HNRNPM: variants seen among roughly 807,000 people sequenced by gnomAD.
HNRNPM encodes the protein CEA receptor.
Under a neutral mutation model 73.1 loss-of-function variants are expected in HNRNPM, and 11 were observed. The ratio of observed to expected loss-of-function variants is 0.15; its 90% confidence interval spans 0.09 to 0.25. The LOEUF (loss-of-function observed/expected upper bound fraction) is 0.25. Among genes scored for constraint, HNRNPM ranks in the 10% least tolerant of loss-of-function variants. The pLI, the probability that HNRNPM is intolerant of heterozygous loss-of-function variation, is 1.00. For synonymous variants in HNRNPM, 407 were observed against 355.2 expected (o/e 1.15, Z -1.64); for missense variants, 789 against 1,067.9 (o/e 0.74, Z 3.64).
intron 15 of HNRNPM, 35 bp from the exon 16 acceptor site, chr19:8,488,656 A>T: frequency 6.3e-7 from 1 of 1,587,624 alleles, no homozygotes; most frequent in Non-Finnish European, 8.6e-7. Flanking sequence ...CAAAATCGGG[A>T]CTGAGTGTCG....
intron 15 of HNRNPM, chr19:8,488,455 T>G: frequency 2.3e-6 from 1 of 439,198 alleles, no homozygotes; most frequent in South Asian, 4.6e-5. Context: ...TTTTTTGAAC[T>G]TCCTGAAGCG....
intron 9 of HNRNPM, among the ~76,000 whole-genome samples, chr19:8,470,863 T>A (rs1206850908): frequency 2.6e-5 from 4 of 152,198 alleles, no homozygotes; most frequent in African/African-American, 9.6e-5. Flanking sequence ...GCTTCATTGT[T>A]ACTAAAACCA....
chr19:8,446,291 A>G lies in HNRNPM; in HGVS notation c.113+1180A>G, dbSNP rs758635341. Reference sequence around the variant, plus strand: ...ATCATCGGAAACAGAAAGTGTAGCTATTAAATACTAACTCCCTCCGTTTTC... The same window carrying G: ...ATCATCGGAAACAGAAAGTGTAGCTGTTAAATACTAACTCCCTCCGTTTTC... On this transcript the variant is annotated intron_variant, in intron 1 of 15. Coordinates refer to ENST00000325495, the MANE Select transcript of HNRNPM (RefSeq NM_005968.5). 3.3e-5 allele frequency among the ~76,000 whole-genome samples: 5 copies of G among 152,346 alleles called. No homozygotes were observed. In the East Asian group the frequency reaches 5.8e-4, roughly 18 times the overall value.
chr19:8,478,683 G>A (rs1350640980), intron 12 of HNRNPM, among the ~76,000 whole-genome samples: 1 of 152,158 alleles, frequency 6.6e-6, no homozygotes, highest in Non-Finnish European at 1.5e-5. Context: ...AGCATTATTT[G>A]TCTTTAAGTC....
At position 8,482,952 on chromosome 19, in the gene HNRNPM, C is replaced by T. The variant is rs118053972; in HGVS notation, c.1121-206C>T. 3,070 of 544,608 alleles carry T rather than the reference C, an allele frequency of 5.6e-3. 18 individuals carry two copies. Among genetic ancestry groups the T allele is most frequent in the Non-Finnish European group, 8.4e-3 (2,605 of 310,058 alleles). The allele number at this position is 544,608 out of a possible 1,614,324, so 33.7% of individuals were successfully genotyped here. A position where few individuals can be genotyped will look rare whatever the true frequency, so the allele number is the denominator to read the frequency against. ...CGCTGGGCCTCAGACTCTGGAGCTACGTGGGGTCTTGGCATCGTGACCCAG... is the reference window on the plus strand; with the variant it reads ...CGCTGGGCCTCAGACTCTGGAGCTATGTGGGGTCTTGGCATCGTGACCCAG... On this transcript the variant is annotated intron_variant, in intron 12 of 15. Transcript: ENST00000325495.
Position 8,486,145 on chromosome 19 carries a change from G to T in HNRNPM, c.1717G>T (p.Ala573Ser). 6.2e-7 allele frequency: 1 copy of T among 1,605,718 alleles called. No homozygotes were observed. The highest frequency in any genetic ancestry group is 8.5e-7 in the Non-Finnish European group (1 of 1,178,904). ...GCGGATGGGCCTGGAGCGCATGGGC[G>T]CCAACAGCCTCGAGCGCATGGGCCT... ...LERMGLERMG[A>S]NSLERMGLER... The change falls in exon 14 of 16, where the codon GCC (alanine) becomes TCC (serine). Residue 573 changes from alanine (A) to serine (S), a missense_variant. Ala to Ser is a moderately conservative substitution (Grantham distance 99). This residue lies in a region of HNRNPM where 604 missense variants were observed against 744.0 expected (regional missense o/e 0.81). Transcript: ENST00000325495.
At chr19:8,472,174 A>G (rs1348491497) in intron 10 of HNRNPM, among the ~76,000 whole-genome samples, 11 of 88,494 alleles carry the variant, frequency 1.2e-4, no homozygotes, top group East Asian at 7.7e-4. Context: ...CGTCTCCAGA[A>G]AAAAAAAAAA....
intron 12 of HNRNPM, among the ~76,000 whole-genome samples, chr19:8,478,323 ATTTTG>A (rs1187822076): frequency 6.6e-6 from 1 of 152,132 alleles, no homozygotes. Flanking sequence ...GTGTGTATAC[ATTTTG>A]TTTTGTTTTT....
chr19:8,471,652 A>G (rs1170268776), intron 10 of HNRNPM, among the ~76,000 whole-genome samples: 1 of 152,200 alleles, frequency 6.6e-6, no homozygotes, highest in Non-Finnish European at 1.5e-5. Flanking sequence ...TAACCTGACA[A>G]CAACCTTCTA....
At chr19:8,485,517 G>C in intron 13 of HNRNPM, 86 bp from the exon 14 acceptor site, 5 of 1,317,930 alleles carry the variant, frequency 3.8e-6, no homozygotes. Context: ...CCTGATCCAT[G>C]CCCATGAGCT....
chr19:8,479,920 G>A (rs1409102565), intron 12 of HNRNPM, among the ~76,000 whole-genome samples: 4 of 149,588 alleles, frequency 2.7e-5, no homozygotes, highest in South Asian at 2.1e-4. Context: ...GATTACAGGC[G>A]CGTGCCCCCA....
At chr19:8,464,801 A>G (rs1969631007) in intron 5 of HNRNPM, among the ~76,000 whole-genome samples, 1 of 152,172 alleles carries the variant, frequency 6.6e-6, no homozygotes, top group Admixed American at 6.5e-5. Flanking sequence ...GAGTCAGTAC[A>G]GAGCTTCACA....
At chr19:8,473,582 G>C in intron 10 of HNRNPM, 82 bp from the exon 11 acceptor site, 1 of 844,118 alleles carries the variant, frequency 1.2e-6, no homozygotes, top group Non-Finnish European at 2.0e-6. Context: ...TCTTTTGCTG[G>C]TTTGGAATTA....
intron 13 of HNRNPM, 84 bp downstream of exon 13, chr19:8,483,295 C>T (rs79753547): frequency 1.8e-4 from 189 of 1,021,920 alleles, no homozygotes; most frequent in African/African-American, 1.8e-3. Flanking sequence ...GTGAGAAGTG[C>T]GGGTTCTGAC....
chr19:8,463,424 T>C lies in HNRNPM; in HGVS notation c.337-73T>C, dbSNP rs907720641. The C allele has an allele frequency of 4.2e-6, 6 of 1,433,142 alleles. No homozygotes were observed. In the Admixed American group the frequency reaches 5.1e-5, roughly 12 times the overall value. The allele number at this position is 1,433,142 out of a possible 1,614,324, so 88.8% of individuals were successfully genotyped here. A position where few individuals can be genotyped will look rare whatever the true frequency, so the allele number is the denominator to read the frequency against. On this transcript the variant is annotated intron_variant, in intron 3 of 15. Coordinates refer to ENST00000325495, the MANE Select transcript of HNRNPM (RefSeq NM_005968.5). ...TTTTTAGTTTGTTTATAACTGTCAT[T>C]GATATTTACTATTTTTTTCTTTTCT... is the stretch of plus-strand genomic sequence containing the variant.
chr19:8,486,932 G>A (rs562552461), intron 14 of HNRNPM, 92 bp from the exon 15 acceptor site: 58 of 977,062 alleles, frequency 5.9e-5, no homozygotes, highest in Non-Finnish European at 9.3e-5. Flanking sequence ...GGTATAGTGA[G>A]AAATCTAGCA....
chr19:8,466,123 A>G, intron 6 of HNRNPM, 112 bp from the exon 7 acceptor site: 1 of 1,073,464 alleles, frequency 9.3e-7, no homozygotes, highest in Non-Finnish European at 1.4e-6. Flanking sequence ...TTTTTGTGAC[A>G]TTATTTCCTA....
intron 2 of HNRNPM, among the ~76,000 whole-genome samples, chr19:8,459,754 G>T (rs147971411): frequency 6.6e-6 from 1 of 152,066 alleles, no homozygotes; most frequent in African/African-American, 2.4e-5. Flanking sequence ...CCCAGGGACC[G>T]CCTGAGTTCT....
chr19:8,467,840 C>T (rs750229130), intron 8 of HNRNPM, among the ~76,000 whole-genome samples: 11 of 152,102 alleles, frequency 7.2e-5, no homozygotes, highest in African/African-American at 2.2e-4. Flanking sequence ...GCCTGACCAA[C>T]GTGGTGGAAC....
Sources: gnomAD v4.1 joint callset for allele counts (sites outside exome capture counted in the v4.1 genomes callset) on GRCh38, gnomAD v4.1.1 for gene constraint, gnomAD v4.1.1 regional missense constraint, MANE v1.5 for transcripts, NCBI Gene and HGNC (gene_info 2026-07-23, HGNC 2026-07-21) for gene names.